The following KDM4C variants were observed in gnomAD, a reference collection of about 807,000 sequenced individuals.
KDM4C encodes the protein lysine-specific demethylase 4C.
A neutral mutation model predicts 129.3 loss-of-function variants in KDM4C; 81 were observed. The observed-to-expected ratio is 0.63, with a 90% confidence interval of 0.52 to 0.75. KDM4C has a LOEUF of 0.75. KDM4C is among the 30% of genes least tolerant of loss of function. The probability of loss-of-function intolerance (pLI) is 0.00; values close to 1 mark genes in which losing one functional copy is unlikely to be tolerated. For synonymous variants in KDM4C, 573 were observed against 456.1 expected (o/e 1.26, Z -3.26); for missense variants, 1,457 against 1,304.0 (o/e 1.12, Z -1.81).
intron 8 of KDM4C, among the ~76,000 whole-genome samples, chr9:6,943,689 A>AT (rs80141368): frequency 1.4e-4 from 21 of 151,284 alleles, no homozygotes; most frequent in Non-Finnish European, 2.4e-4. Flanking sequence ...AAAAAAAAAA[A>AT]GGTTGCACAA....
At chr9:7,169,725 A>T in intron 20 of KDM4C, 73 bp from the exon 21 acceptor site, 1 of 1,144,522 alleles carries the variant, frequency 8.7e-7, no homozygotes, top group Non-Finnish European at 1.2e-6. Flanking sequence ...CTTTTCATGT[A>T]GTTAATTGGA....
At chr9:7,170,001 A>G in intron 21 of KDM4C, 111 bp downstream of exon 21, 1 of 1,565,564 alleles carries the variant, frequency 6.4e-7, no homozygotes, top group Admixed American at 1.9e-5. Context: ...TTAATTCTAA[A>G]AAAAGCCAAT....
chr9:6,884,682 A>C (rs1844988260), intron 6 of KDM4C, among the ~76,000 whole-genome samples: 1 of 152,074 alleles, frequency 6.6e-6, no homozygotes, highest in African/African-American at 2.4e-5. Flanking sequence ...CCCTTTCCTA[A>C]AAAGTTAATG....
chr9:7,030,841 A>G (rs992704369), intron 15 of KDM4C, among the ~76,000 whole-genome samples: 2 of 152,182 alleles, frequency 1.3e-5, no homozygotes, highest in Non-Finnish European at 2.9e-5. Flanking sequence ...TTGCCATGCT[A>G]TCAAAAACTA....
Position 7,046,881 on chromosome 9 carries a change from TGA to T in KDM4C, c.2283_2284del (p.Gly762ArgfsTer4). The T allele has an allele frequency of 6.2e-7, 1 of 1,607,680 alleles. No homozygotes were observed. The highest frequency in any genetic ancestry group is 8.5e-7 in the Non-Finnish European group (1 of 1,174,550). On this transcript the variant is annotated frameshift_variant, in exon 16 of 22. Coordinates refer to ENST00000381309, the MANE Select transcript of KDM4C (RefSeq NM_015061.6). LOFTEE classifies it high-confidence loss of function. ...CCCCAGGAATGCTGTCTCTGCAATTTGAGAGGAGGTGCTCTTAAGCAAACGAA... is the reference window on the plus strand; with the variant it reads ...CCCCAGGAATGCTGTCTCTGCAATTTGAGGAGGTGCTCTTAAGCAAACGAA...
chr9:7,019,014 G>A (rs1341052823), intron 15 of KDM4C, among the ~76,000 whole-genome samples: 1 of 152,148 alleles, frequency 6.6e-6, no homozygotes, highest in Non-Finnish European at 1.5e-5. Flanking sequence ...TGAATTCACA[G>A]TGGATTCCAC....
At position 7,094,970 on chromosome 9, in the gene KDM4C, G is replaced by A. The variant is rs16925332; in HGVS notation, c.2425-8715G>A. On this transcript the variant is annotated intron_variant, in intron 17 of 21. Coordinates refer to ENST00000381309, the MANE Select transcript of KDM4C (RefSeq NM_015061.6). ...TGTTCAGAAAAGGAAGACTACCCCA[G>A]CGTAGCAGCTTGTGTAGTTATCAAA... 0.025 allele frequency among the ~76,000 whole-genome samples: 3,772 copies of A among 152,310 alleles called. 267 individuals carry two copies. In the East Asian group the frequency reaches 0.26, roughly 10 times the overall value.
At chr9:7,017,684 C>T (rs927085562) in intron 15 of KDM4C, among the ~76,000 whole-genome samples, 1 of 152,282 alleles carries the variant, frequency 6.6e-6, no homozygotes, top group South Asian at 2.1e-4. Context: ...CTCATGATCT[C>T]AGAGCAGGTG....
intron 8 of KDM4C, among the ~76,000 whole-genome samples, chr9:6,902,242 T>A (rs574858052): frequency 6.6e-6 from 1 of 152,206 alleles, no homozygotes; most frequent in South Asian, 2.1e-4. Flanking sequence ...TGAACACATA[T>A]AGAATTGTGC....
chr9:6,859,220 A>G (rs1840473368), intron 5 of KDM4C, among the ~76,000 whole-genome samples: 2 of 152,128 alleles, frequency 1.3e-5, no homozygotes, highest in African/African-American at 2.4e-5. Flanking sequence ...GTTCATGCCT[A>G]TAATCCCAGC....
chr9:6,980,132 C>A (rs116702588), intron 8 of KDM4C, among the ~76,000 whole-genome samples: 1 of 152,108 alleles, frequency 6.6e-6, no homozygotes, highest in East Asian at 1.9e-4. Context: ...TCAGTTAAAT[C>A]TTGGAGATTA....
intron 17 of KDM4C, among the ~76,000 whole-genome samples, chr9:7,094,778 G>A (rs890973989): frequency 1.2e-4 from 19 of 152,232 alleles, no homozygotes; most frequent in Admixed American, 2.6e-4. Context: ...GAGACACAGT[G>A]TGTGGGTATT....
At chr9:7,048,459 A>T (rs550927930) in intron 16 of KDM4C, among the ~76,000 whole-genome samples, 1 of 152,112 alleles carries the variant, frequency 6.6e-6, no homozygotes, top group East Asian at 1.9e-4. Flanking sequence ...TTTATGAGAC[A>T]TTTAATAGTA....
chr9:6,994,974 T>C (rs2131966421), intron 12 of KDM4C, among the ~76,000 whole-genome samples: 2 of 152,248 alleles, frequency 1.3e-5, no homozygotes, highest in South Asian at 2.1e-4. Flanking sequence ...TGACATTACG[T>C]TGGGTCAGTA....
intron 15 of KDM4C, among the ~76,000 whole-genome samples, chr9:7,039,647 A>G (rs1371419528): frequency 2.6e-5 from 4 of 152,106 alleles, no homozygotes; most frequent in African/African-American, 9.7e-5. Flanking sequence ...TTTATATGTT[A>G]TATTTATTAT....
At chr9:7,110,184 T>C (rs144207292) in intron 18 of KDM4C, among the ~76,000 whole-genome samples, 4 of 152,332 alleles carry the variant, frequency 2.6e-5, no homozygotes, top group African/African-American at 9.6e-5. Context: ...TTGGTTTCTA[T>C]TGTACCAAAC....
intron 4 of KDM4C, among the ~76,000 whole-genome samples, chr9:6,828,155 T>C (rs1834186672): frequency 6.8e-6 from 1 of 147,096 alleles, no homozygotes; most frequent in Non-Finnish European, 1.5e-5. Context: ...AATAAGTTTC[T>C]TTTTTTTTTT....
At chr9:6,827,325 A>G (rs545199136) in intron 4 of KDM4C, among the ~76,000 whole-genome samples, 1 of 152,336 alleles carries the variant, frequency 6.6e-6, no homozygotes, top group Admixed American at 6.5e-5. Context: ...TATGATAAGC[A>G]ATATTTAAGA....
At chr9:6,868,512 C>G (rs1037612913) in intron 5 of KDM4C, among the ~76,000 whole-genome samples, 1 of 152,136 alleles carries the variant, frequency 6.6e-6, no homozygotes, top group Non-Finnish European at 1.5e-5. Flanking sequence ...GCTCACGTCC[C>G]TGATATAAAG....
Sources: allele counts gnomAD v4.1 joint callset (sites outside exome capture counted in the v4.1 genomes callset), GRCh38; gene constraint gnomAD v4.1.1; transcripts MANE v1.5; gene names NCBI Gene and HGNC (gene_info 2026-07-23, HGNC 2026-07-21).